Variants in NUP35 observed in about 807,000 individuals in gnomAD.
NUP35 encodes nucleoporin 35.
In NUP35, 25 loss-of-function variants were observed where a neutral mutation model predicts 41.5. The ratio of observed to expected loss-of-function variants is 0.60; its 90% CI spans 0.44 to 0.84. The LOEUF is 0.84. Among genes scored for constraint, NUP35 ranks in the 40% least tolerant of loss-of-function variants. The probability of loss-of-function intolerance (pLI) is 0.00; values close to 1 mark genes in which losing one functional copy is unlikely to be tolerated. For missense variants in NUP35, 396 were observed against 396.6 expected, an observed-to-expected ratio of 1.00 and a Z score of 0.01; for synonymous variants, 149 against 130.7, an observed-to-expected ratio of 1.14 and a Z score of -0.96.
intron 5 of NUP35, among the ~76,000 whole-genome samples, chr2:183,154,795 C>T (rs542662915): frequency 3.9e-5 from 6 of 152,258 alleles, no homozygotes; most frequent in Admixed American, 2.6e-4. Context: ...CCCCACTCTA[C>T]TGATACCAAT....
At position 183,126,640 on chromosome 2, in the gene NUP35, TTG is replaced by T. The variant is rs754246114; in HGVS notation, c.41-1645_41-1644del. ...CATTTGCTTTATCCATTTATTGAAT[TTG>T]TTTTTTTTTTTGTCTTTTATACACT... is the stretch of plus-strand genomic sequence containing the variant. On this transcript the variant is annotated intron_variant, in intron 1 of 8. Coordinates refer to ENST00000295119, the MANE Select transcript of NUP35 (RefSeq NM_138285.5). 1.2e-3 allele frequency among the ~76,000 whole-genome samples: 130 copies of T among 107,778 alleles called. 1 individual carries two copies. The highest frequency in any genetic ancestry group is 1.8e-3 in the Non-Finnish European group (93 of 51,914). 70.7% of individuals were successfully genotyped at this position (107,778 alleles called of 152,430 possible).
At chr2:183,156,063 GA>G (rs1406194243) in intron 5 of NUP35, among the ~76,000 whole-genome samples, 4 of 152,130 alleles carry the variant, frequency 2.6e-5, no homozygotes, top group Admixed American at 2.6e-4. Flanking sequence ...TTAGGGTTAT[GA>G]AATATTCATT....
intron 5 of NUP35, among the ~76,000 whole-genome samples, chr2:183,153,703 C>T (rs981492637): frequency 2.6e-5 from 4 of 152,072 alleles, no homozygotes; most frequent in South Asian, 2.1e-4. Context: ...GCTGGCATTG[C>T]GTGTATGGGT....
chr2:183,137,796 A>T (rs1050976824), intron 4 of NUP35, among the ~76,000 whole-genome samples: 1 of 152,238 alleles, frequency 6.6e-6, no homozygotes, highest in African/African-American at 2.4e-5. Flanking sequence ...AAAGAAAAAA[A>T]AAAAGGCAAA....
At chr2:183,139,118 A>G (rs1237779345) in intron 4 of NUP35, among the ~76,000 whole-genome samples, 3 of 152,190 alleles carry the variant, frequency 2.0e-5, no homozygotes, top group Non-Finnish European at 4.4e-5. Flanking sequence ...CTTGACAACA[A>G]TAAGAAAATT....
intron 5 of NUP35, among the ~76,000 whole-genome samples, chr2:183,157,047 A>C (rs1211008053): frequency 6.6e-6 from 1 of 152,218 alleles, no homozygotes; most frequent in Non-Finnish European, 1.5e-5. Flanking sequence ...TTCGTTTATA[A>C]TTTAAAATTC....
intron 1 of NUP35, among the ~76,000 whole-genome samples, chr2:183,127,072 C>T (rs1025994880): frequency 1.3e-5 from 2 of 152,208 alleles, no homozygotes. Context: ...ACTGAGAGAA[C>T]TTGAACCCAC....
At chr2:183,140,789 C>G (rs1361838972) in intron 4 of NUP35, among the ~76,000 whole-genome samples, 1 of 148,038 alleles carries the variant, frequency 6.8e-6, no homozygotes, top group Non-Finnish European at 1.5e-5. Flanking sequence ...CACCACTGCA[C>G]TCCAGCCTGG....
chr2:183,146,242 A>G (rs1393986428), intron 4 of NUP35, among the ~76,000 whole-genome samples: 1 of 152,186 alleles, frequency 6.6e-6, no homozygotes, highest in Non-Finnish European at 1.5e-5. Context: ...TCTCAAAAAA[A>G]AAAGTATTTC....
chr2:183,124,286 C>A (rs151019531), upstream of NUP35: 42 of 1,429,906 alleles, frequency 2.9e-5, 1 homozygote, highest in Middle Eastern at 2.1e-4. Context: ...ATTCTCAGCG[C>A]AAAGACTTTG....
chr2:183,125,429 G>A (rs2705720), intron 1 of NUP35, among the ~76,000 whole-genome samples: 144,638 of 151,964 alleles, frequency 0.95, 68,963 homozygotes, highest in East Asian at 1. Flanking sequence ...TATATGGTGT[G>A]GAAAGAGTCT....
In NUP35 at chr2:183,158,272, A is replaced by G. The variant is rs1685743835; in HGVS notation, c.610-11A>G. On this transcript the variant is annotated splice_polypyrimidine_tract_variant and intron_variant, in intron 6 of 8. Transcript: ENST00000295119. ...ATTTTCTATTTTAAGAGACAGTTTT[A>G]TTCTTTGCAGATGTCTAATACAGGA... is the stretch of plus-strand genomic sequence containing the variant. 2.6e-6 allele frequency: 4 copies of G among 1,528,708 alleles called. No homozygotes were observed. The South Asian group carries it at 3.8e-5, about 15-fold the overall frequency. The allele number at this position is 1,528,708 out of a possible 1,614,324, so 94.7% of individuals were successfully genotyped here. A position where few individuals can be genotyped will look rare whatever the true frequency, so the allele number is the denominator to read the frequency against.
intron 2 of NUP35, 138 bp downstream of exon 2, chr2:183,128,595 G>T: frequency 5.0e-6 from 2 of 396,262 alleles, no homozygotes; most frequent in Non-Finnish European, 8.2e-6. Flanking sequence ...AATAGCTGAT[G>T]AGCTAAAAAA....
At chr2:183,151,688 C>A in intron 5 of NUP35, 39 bp downstream of exon 5, 1 of 1,575,208 alleles carries the variant, frequency 6.3e-7, no homozygotes, top group Non-Finnish European at 8.6e-7. Flanking sequence ...AAAACCCCAC[C>A]CTAACATTTT....
chr2:183,140,926 C>G (rs1487860330), intron 4 of NUP35, among the ~76,000 whole-genome samples: 1 of 151,648 alleles, frequency 6.6e-6, no homozygotes, highest in Non-Finnish European at 1.5e-5. Context: ...TAGAGCTATT[C>G]TTTTTGGAAT....
chr2:183,122,824 C>T (rs1248791898), upstream of NUP35, among the ~76,000 whole-genome samples: 1 of 152,088 alleles, frequency 6.6e-6, no homozygotes, highest in Non-Finnish European at 1.5e-5. Flanking sequence ...AGTGGATTGC[C>T]CTGTGTTGTG....
Position 183,128,319 on chromosome 2 carries a change from T to G in NUP35, c.73T>G (p.Ser25Ala). 6.2e-7 allele frequency: 1 copy of G among 1,613,420 alleles called. No homozygotes were observed. Among genetic ancestry groups the G allele is most frequent in the Non-Finnish European group, 8.5e-7 (1 of 1,179,632 alleles). The change falls in exon 2 of 9, where the codon TCT (serine) becomes GCT (alanine). Residue 25 changes from serine to alanine, a missense_variant. Ser to Ala is a moderately conservative substitution (Grantham distance 99). Transcript: ENST00000295119. ...ACCAATGATGCTGGGTTCACCCACATCTCCAAAGCCAGGAGTTAATGCCCA... is the reference window on the plus strand; with the variant it reads ...ACCAATGATGCTGGGTTCACCCACAGCTCCAAAGCCAGGAGTTAATGCCCA... The part of the protein sequence containing the change: ...SEPMMLGSPT[S>A]PKPGVNAQFL...
intron 4 of NUP35, among the ~76,000 whole-genome samples, chr2:183,137,622 AT>A (rs1266660439): frequency 2.0e-5 from 3 of 151,886 alleles, no homozygotes; most frequent in African/African-American, 4.8e-5. Context: ...TCCCAGGGAC[AT>A]TGAAAATCCA....
In NUP35 at chr2:183,154,022, C is replaced by T. The variant is rs1011835893; in HGVS notation, c.539+2373C>T. Among the ~76,000 whole-genome samples, 12 of 152,292 alleles carry T rather than the reference C, an allele frequency of 7.9e-5. No homozygotes were observed. In the East Asian group the frequency reaches 1.9e-3, roughly 25 times the overall value. On this transcript the variant is annotated intron_variant, in intron 5 of 8. Transcript: ENST00000295119. ...CAATACCATGTGGAAGCTGCCAAGG[C>T]TTGGGGCTTCCACTCTCTGAAGCCA...
Sources: allele counts gnomAD v4.1 joint callset (sites outside exome capture counted in the v4.1 genomes callset), GRCh38; gene constraint gnomAD v4.1.1; transcripts MANE v1.5; gene names NCBI Gene and HGNC (gene_info 2026-07-23, HGNC 2026-07-21).